LRMDA: variants seen among roughly 807,000 people sequenced by gnomAD.
LRMDA encodes leucine-rich melanocyte differentiation-associated protein.
Under a neutral mutation model 29.8 loss-of-function variants are expected in LRMDA, and 18 were observed. The ratio of observed to expected loss-of-function variants is 0.60; its 90% confidence interval spans 0.42 to 0.90. LRMDA has a LOEUF of 0.90. Among genes scored for constraint, LRMDA ranks in the 40% least tolerant of loss-of-function variants. LRMDA has a pLI of 0.00. For synonymous variants in LRMDA, 125 were observed against 109.4 expected (o/e 1.14, Z -0.89); for missense variants, 273 against 273.9 (o/e 1.00, Z 0.02).
rs536873130 is a variant in LRMDA at position 76,133,194 on chromosome 10, C to T, written c.516+74411C>T. On this transcript the variant is annotated intron_variant, in intron 5 of 6. Coordinates refer to ENST00000611255, the MANE Select transcript of LRMDA (RefSeq NM_001305581.2). ...GCAAGGGAAGTAAGGAAACCAAAAC[C>T]TCTTCAACGCTATGCTAAGTGTTAC... 3.3e-5 allele frequency among the ~76,000 whole-genome samples: 5 copies of T among 152,068 alleles called. No individual in the cohort carries two copies. In the East Asian group the frequency reaches 9.7e-4, roughly 29 times the overall value.
At chr10:76,330,555 G>A (rs565685086) in intron 6 of LRMDA, among the ~76,000 whole-genome samples, 10 of 152,206 alleles carry the variant, frequency 6.6e-5, no homozygotes, top group South Asian at 6.2e-4. Flanking sequence ...TTCTAGTTTC[G>A]ATGACCCCAC....
intron 2 of LRMDA, chr10:75,451,638 C>T (rs1024771800): frequency 3.4e-4 from 51 of 152,056 alleles, no homozygotes; most frequent in African/African-American, 1.1e-3. Context: ...AGAAAAATTC[C>T]CCACAAGGAT....
At chr10:75,756,582 A>G (rs1843035164) in intron 2 of LRMDA, among the ~76,000 whole-genome samples, 2 of 152,216 alleles carry the variant, frequency 1.3e-5, no homozygotes, top group Non-Finnish European at 2.9e-5. Context: ...ACATAATCCT[A>G]ACTGATAAAG....
chr10:75,923,583 C>A (rs952671952), intron 2 of LRMDA, among the ~76,000 whole-genome samples: 1 of 152,182 alleles, frequency 6.6e-6, no homozygotes, highest in Non-Finnish European at 1.5e-5. Flanking sequence ...CCTAAGTGTT[C>A]CCCCTTTGCA....
At chr10:76,358,946 G>C (rs1200449943) in intron 6 of LRMDA, among the ~76,000 whole-genome samples, 2 of 152,184 alleles carry the variant, frequency 1.3e-5, no homozygotes, top group African/African-American at 4.8e-5. Flanking sequence ...CGCTGGAACT[G>C]TGTGCTCTGC....
intron 2 of LRMDA, among the ~76,000 whole-genome samples, chr10:75,727,204 G>A (rs1026017137): frequency 4.6e-5 from 7 of 152,046 alleles, no homozygotes; most frequent in East Asian, 1.9e-4. Context: ...TCTTCTCTGC[G>A]GTGATGCTGT....
intron 5 of LRMDA, among the ~76,000 whole-genome samples, chr10:76,181,357 T>C (rs12253353): frequency 0.016 from 2,458 of 152,302 alleles, 68 homozygotes; most frequent in African/African-American, 0.054. Flanking sequence ...TTTGAGATGT[T>C]TGACTCATCG....
At chr10:75,510,478 T>C (rs535560608) in intron 2 of LRMDA, among the ~76,000 whole-genome samples, 2 of 152,344 alleles carry the variant, frequency 1.3e-5, no homozygotes, top group East Asian at 1.9e-4. Context: ...TGGGTGTTAA[T>C]GGTTGCTTAA....
intron 2 of LRMDA, among the ~76,000 whole-genome samples, chr10:75,442,124 C>T (rs2132024692): frequency 6.6e-6 from 1 of 152,266 alleles, no homozygotes; most frequent in Non-Finnish European, 1.5e-5. Flanking sequence ...TAAATTTTTT[C>T]CAACTTTATT....
chr10:76,219,027 C>G (rs146111276), intron 5 of LRMDA, among the ~76,000 whole-genome samples: 1 of 152,112 alleles, frequency 6.6e-6, no homozygotes, highest in Non-Finnish European at 1.5e-5. Context: ...AGTGCAAGAG[C>G]CTTTCATGAT....
chr10:76,136,740 A>G (rs921202618), intron 5 of LRMDA, among the ~76,000 whole-genome samples: 34 of 152,310 alleles, frequency 2.2e-4, no homozygotes, highest in African/African-American at 7.5e-4. Context: ...TAAACTTTCT[A>G]TATTTATATT....
In LRMDA at chr10:75,852,507, C is replaced by A. The variant is rs201111183; in HGVS notation, c.132-183501C>A. Reference sequence around the variant, plus strand: ...ATTTAAAGTTCTGAATTTGAGACTGCTGATTAAAAAAAAGCAAAACAACAA... The same window carrying A: ...ATTTAAAGTTCTGAATTTGAGACTGATGATTAAAAAAAAGCAAAACAACAA... On this transcript the variant is annotated intron_variant, in intron 2 of 6. Transcript: ENST00000611255. 1.5e-4 allele frequency among the ~76,000 whole-genome samples: 22 copies of A among 150,678 alleles called. No individual in the cohort carries two copies. In the East Asian group the frequency reaches 4.3e-3, roughly 29 times the overall value.
At chr10:75,685,260 G>A (rs774136084) in intron 2 of LRMDA, among the ~76,000 whole-genome samples, 4 of 151,896 alleles carry the variant, frequency 2.6e-5, no homozygotes, top group Non-Finnish European at 5.9e-5. Context: ...GTGCCTCACT[G>A]TGTTTAGGAA....
chr10:75,774,438 A>G (rs1843282681), intron 2 of LRMDA, among the ~76,000 whole-genome samples: 2 of 152,190 alleles, frequency 1.3e-5, no homozygotes, highest in South Asian at 4.1e-4. Context: ...AGTTAAATTC[A>G]AAAATAATTA....
intron 6 of LRMDA, among the ~76,000 whole-genome samples, chr10:76,422,043 C>T (rs1461773199): frequency 6.6e-6 from 1 of 152,024 alleles, no homozygotes; most frequent in Non-Finnish European, 1.5e-5. Flanking sequence ...GATCTATTTC[C>T]AGTTGCCCTT....
intron 2 of LRMDA, among the ~76,000 whole-genome samples, chr10:75,786,987 G>A (rs979002051): frequency 6.6e-6 from 1 of 152,208 alleles, no homozygotes; most frequent in Admixed American, 6.5e-5. Flanking sequence ...GTCACTCTCA[G>A]TGTAGTGCTT....
intron 5 of LRMDA, among the ~76,000 whole-genome samples, chr10:76,157,743 C>T (rs757047744): frequency 1.3e-5 from 2 of 151,668 alleles, no homozygotes; most frequent in Middle Eastern, 3.4e-3. Flanking sequence ...TGTGTATAGG[C>T]ATGTGTCACT....
intron 6 of LRMDA, among the ~76,000 whole-genome samples, chr10:76,354,911 T>A (rs1396872207): frequency 6.6e-6 from 1 of 152,176 alleles, no homozygotes; most frequent in Non-Finnish European, 1.5e-5. Flanking sequence ...ATGTCTTCTA[T>A]CTAACTAAAT....
chr10:75,463,226 GC>G (rs1376101528), intron 2 of LRMDA, among the ~76,000 whole-genome samples: 1 of 152,158 alleles, frequency 6.6e-6, no homozygotes, highest in Non-Finnish European at 1.5e-5. Flanking sequence ...TCTAAGGGGT[GC>G]TTTCCAAACT....
Sources: gnomAD v4.1 joint callset for allele counts (sites outside exome capture counted in the v4.1 genomes callset) on GRCh38, gnomAD v4.1.1 for gene constraint, MANE v1.5 for transcripts, NCBI Gene and HGNC (gene_info 2026-07-23, HGNC 2026-07-21) for gene names.